DGLUCY: variants seen among roughly 807,000 people sequenced by gnomAD.
DGLUCY encodes the protein D-glutamate cyclase, mitochondrial.
A neutral mutation model predicts 58.5 loss-of-function variants in DGLUCY; 58 were observed. The ratio of observed to expected loss-of-function variants is 0.99; its 90% CI spans 0.80 to 1.23. The LOEUF (loss-of-function observed/expected upper bound fraction) is 1.23. Ranked by LOEUF, DGLUCY falls within the 50% of genes most tolerant of loss-of-function variation. DGLUCY has a pLI of 0.00. For missense variants in DGLUCY, 779 were observed against 784.7 expected, an observed-to-expected ratio of 0.99 and a Z score of 0.09; for synonymous variants, 325 against 314.1, an observed-to-expected ratio of 1.03 and a Z score of -0.37.
chr14:91,074,127 A>G (rs2140034156), intron 1 of DGLUCY, among the ~76,000 whole-genome samples: 1 of 131,400 alleles, frequency 7.6e-6, no homozygotes, highest in South Asian at 2.6e-4. Context: ...ATACACACAC[A>G]CACACACACA....
intron 13 of DGLUCY, chr14:91,215,829 C>T (rs1886436583): frequency 4.4e-6 from 5 of 1,141,898 alleles, no homozygotes; most frequent in South Asian, 3.2e-5. Flanking sequence ...TCATTTTCTT[C>T]ATCTGTAAAA....
intron 1 of DGLUCY, among the ~76,000 whole-genome samples, chr14:91,073,328 C>G (rs2043955014): frequency 6.6e-6 from 1 of 152,112 alleles, no homozygotes; most frequent in African/African-American, 2.4e-5. Flanking sequence ...GTAGTCCCAG[C>G]TACTCAGGAG....
At chr14:91,153,132 C>T (rs535251823) in intron 1 of DGLUCY, among the ~76,000 whole-genome samples, 2 of 152,276 alleles carry the variant, frequency 1.3e-5, no homozygotes, top group South Asian at 2.1e-4. Flanking sequence ...TTCTCAGCTG[C>T]CTTTGTGTGA....
chr14:91,197,403 CCT>C (rs977128380), intron 10 of DGLUCY, among the ~76,000 whole-genome samples: 5 of 152,228 alleles, frequency 3.3e-5, no homozygotes, highest in African/African-American at 1.2e-4. Context: ...CTGTACCTGG[CCT>C]CTCTGAACTG....
chr14:91,134,726 C>T (rs1336886239), intron 1 of DGLUCY, among the ~76,000 whole-genome samples: 1 of 152,166 alleles, frequency 6.6e-6, no homozygotes, highest in Non-Finnish European at 1.5e-5. Flanking sequence ...GCATGAGCCA[C>T]CGTGCCCGGC....
upstream of DGLUCY, among the ~76,000 whole-genome samples, chr14:91,111,330 G>T (rs2044698404): frequency 6.6e-6 from 1 of 150,862 alleles, no homozygotes; most frequent in Non-Finnish European, 1.5e-5. Context: ...GGCCAGGCTG[G>T]AGTGCAGTGG....
At chr14:91,065,353 A>G (rs2043803212) in intron 1 of DGLUCY, among the ~76,000 whole-genome samples, 1 of 152,172 alleles carries the variant, frequency 6.6e-6, no homozygotes, top group Non-Finnish European at 1.5e-5. Context: ...GTTAAAGTGA[A>G]TGACCCTGGG....
intron 7 of DGLUCY, among the ~76,000 whole-genome samples, chr14:91,180,586 A>G (rs1376514052): frequency 6.6e-6 from 1 of 152,036 alleles, no homozygotes; most frequent in African/African-American, 2.4e-5. Flanking sequence ...AAAAAAAAAA[A>G]AAGAATAAAG....
intron 7 of DGLUCY, among the ~76,000 whole-genome samples, chr14:91,178,545 A>G (rs759352833): frequency 1.3e-5 from 2 of 152,196 alleles, no homozygotes; most frequent in Non-Finnish European, 2.9e-5. Flanking sequence ...ACCCCGTGTC[A>G]TGCTCTGAGC....
At chr14:91,103,435 G>C (rs2044528117), upstream of DGLUCY, among the ~76,000 whole-genome samples, 2 of 152,104 alleles carry the variant, frequency 1.3e-5, no homozygotes, top group African/African-American at 4.8e-5. Context: ...CTCTGCCGAT[G>C]ACCCTGTCGC....
At chr14:91,169,913 C>G (rs1368853443) in intron 4 of DGLUCY, 90 bp from the exon 5 acceptor site, 18 of 1,373,988 alleles carry the variant, frequency 1.3e-5, no homozygotes, top group Non-Finnish European at 1.7e-5. Context: ...ACTAGACATC[C>G]TCTTCTCTCT....
rs145749941 is a variant in DGLUCY, at chr14:91,189,049, C to T, written c.1074C>T (p.Gly358=). 2 of 1,614,162 alleles carry T rather than the reference C, an allele frequency of 1.2e-6. No individual in the cohort carries two copies. The highest frequency in any genetic ancestry group is 2.2e-5 in the East Asian group (1 of 44,878). The part of the protein sequence containing the change: ...FNHEPPEETD[G]PPGAVALVAF... ...ATGAGCCTCCAGAAGAGACAGATGGCCCACCAGGAGCTGTTGCTCTGGTTG... is the reference window on the plus strand; with the variant it reads ...ATGAGCCTCCAGAAGAGACAGATGGTCCACCAGGAGCTGTTGCTCTGGTTG... The change falls in exon 9 of 14, where the codon GGC becomes GGT. Residue 358 remains glycine (G), a synonymous_variant. Coordinates refer to ENST00000256324, the MANE Select transcript of DGLUCY (RefSeq NM_001102368.3).
rs34785372 is a variant in DGLUCY, at chr14:91,160,417, TAAAAAAAA to T, written c.103+37_103+44del. 3.1e-4 allele frequency: 182 copies of T among 579,422 alleles called. No homozygotes were observed. The highest frequency in any genetic ancestry group is 1.2e-3 in the African/African-American group (40 of 34,378). 35.9% of individuals were successfully genotyped at this position (579,422 alleles called of 1,614,324 possible). A position where few individuals can be genotyped will look rare whatever the true frequency, so the allele number is the denominator to read the frequency against. On this transcript the variant is annotated intron_variant, in intron 3 of 13. Coordinates refer to ENST00000256324, the MANE Select transcript of DGLUCY (RefSeq NM_001102368.3). Reference sequence around the variant, plus strand: ...CTGGAGGTAAGTGGTGCCAGATAGTTAAAAAAAAAAAAAAAAAAAAAAAAGAAAGTTCC... The same window carrying T: ...CTGGAGGTAAGTGGTGCCAGATAGTTAAAAAAAAAAAAAAAAGAAAGTTCC...
In DGLUCY at chr14:91,143,029, CAA is replaced by C. The variant is rs34164664; in HGVS notation, c.-81-14591_-81-14590del. On this transcript the variant is annotated intron_variant, in intron 1 of 13. Coordinates refer to ENST00000256324, the MANE Select transcript of DGLUCY (RefSeq NM_001102368.3). The stretch of plus-strand genomic sequence containing the variant: ...TGGGTGACACAGCGAGACTCCCTCT[CAA>C]AAAAAAAAAAAAAAAAAAGGATCTA... Among the ~76,000 whole-genome samples the C allele has an allele frequency of 1.1e-3, 94 of 83,068 alleles. No homozygotes were observed. In the East Asian group the frequency reaches 0.013, roughly 11 times the overall value. 54.5% of individuals were successfully genotyped at this position (83,068 alleles called of 152,430 possible).
chr14:91,141,880 C>G (rs1174301674), intron 1 of DGLUCY, among the ~76,000 whole-genome samples: 2 of 143,262 alleles, frequency 1.4e-5, no homozygotes, highest in Non-Finnish European at 1.5e-5. Context: ...GAGTCTTGCT[C>G]TGTCGCCTAG....
At chr14:91,098,962 A>G (rs76659184) in intron 1 of DGLUCY, among the ~76,000 whole-genome samples, 1 of 152,240 alleles carries the variant, frequency 6.6e-6, no homozygotes, top group African/African-American at 2.4e-5. Flanking sequence ...TAATGCATGT[A>G]GGTCTTTAGC....
At chr14:91,120,657 T>A (rs2045299402) in intron 1 of DGLUCY, among the ~76,000 whole-genome samples, 1 of 152,134 alleles carries the variant, frequency 6.6e-6, no homozygotes, top group Admixed American at 6.6e-5. Flanking sequence ...GTGAGCCACC[T>A]GCCTCAGCCT....
intron 1 of DGLUCY, 35 bp downstream of exon 1, chr14:91,114,318 C>G (rs2044776123): frequency 1.3e-5 from 2 of 152,334 alleles, no homozygotes; most frequent in Non-Finnish European, 2.9e-5. Context: ...AGCACAGTCC[C>G]TCCCTCCGCC....
At chr14:91,108,526 TGAGA>T (rs1194090963) in intron 1 of DGLUCY, among the ~76,000 whole-genome samples, 574 of 52,126 alleles carry the variant, frequency 0.011, 9 homozygotes, top group African/African-American at 0.025. Flanking sequence ...TGTGTGTGTG[TGAGA>T]GAGAGAGAGA....
Sources: gnomAD v4.1 joint callset for allele counts (sites outside exome capture counted in the v4.1 genomes callset) on GRCh38, gnomAD v4.1.1 for gene constraint, MANE v1.5 for transcripts, NCBI Gene and HGNC (gene_info 2026-07-23, HGNC 2026-07-21) for gene names.